Variants in PDE6B observed in about 807,000 individuals in gnomAD.
PDE6B encodes rod cGMP-specific 3',5'-cyclic phosphodiesterase subunit beta.
PDE6B carries 106 observed loss-of-function variants against 109.0 expected under a neutral mutation model. That is an observed-to-expected ratio of 0.97 (90% CI 0.83 to 1.14). The LOEUF (loss-of-function observed/expected upper bound fraction) is 1.14, where lower values mean the gene tolerates loss of function less well. Ranked by LOEUF, PDE6B falls within the 50% of genes most tolerant of loss-of-function variation. The pLI is 0.00. For synonymous variants in PDE6B, 490 were observed against 471.3 expected (o/e 1.04, Z -0.51); for missense variants, 1,193 against 1,155.6 (o/e 1.03, Z -0.47).
intron 2 of PDE6B, among the ~76,000 whole-genome samples, 160 bp from the exon 3 acceptor site, chr4:635,720 A>G (rs1734645763): frequency 6.6e-6 from 1 of 152,200 alleles, no homozygotes; most frequent in South Asian, 2.1e-4. Flanking sequence ...CACCCTGTGC[A>G]CCTGAGCTTG....
chr4:636,254 T>G lies in PDE6B; in HGVS notation c.711+285T>G, dbSNP rs1488692069. On this transcript the variant is annotated intron_variant, in intron 3 of 21. Coordinates refer to ENST00000496514, the MANE Select transcript of PDE6B (RefSeq NM_000283.4). This position sits in a 1 kb window ranked among gnomAD's most constrained non-coding sequence, Gnocchi z 4.5. ...TCCTAGAGGCTGCCCCCAACCTCCT[T>G]GGGAGAAGCCAGTATGAGTGACGAG... 2.6e-5 allele frequency among the ~76,000 whole-genome samples: 4 copies of G among 152,122 alleles called. No individual in the cohort carries two copies. Among genetic ancestry groups the G allele is most frequent in the Admixed American group, 6.5e-5 (1 of 15,284 alleles).
In PDE6B at chr4:625,991, G is replaced by T. The variant is rs1313437038; in HGVS notation, c.365G>T (p.Cys122Phe). The T allele has an allele frequency of 6.3e-7, 1 of 1,583,258 alleles. No homozygotes were observed. The highest frequency in any genetic ancestry group is 8.6e-7 in the Non-Finnish European group (1 of 1,165,146). Residue 122 changes from cysteine to phenylalanine, a missense_variant, in exon 1 of 22, where the codon TGC becomes TTC. By Grantham distance (205) the Cys-to-Phe change is radical. Transcript: ENST00000496514. This position sits in a 1 kb window ranked among gnomAD's most constrained non-coding sequence, Gnocchi z 5.0. ...SVQPDSVLED[C>F]LVPPDSEIVF... Reference sequence around the variant, plus strand: ...CAGCCGGACAGCGTCCTGGAGGACTGCCTGGTGCCCCCCGACTCCGAGATC... The same window carrying T: ...CAGCCGGACAGCGTCCTGGAGGACTTCCTGGTGCCCCCCGACTCCGAGATC...
intron 1 of PDE6B, among the ~76,000 whole-genome samples, chr4:628,291 C>T (rs1734217274): frequency 6.6e-6 from 1 of 152,244 alleles, no homozygotes; most frequent in Non-Finnish European, 1.5e-5. Context: ...GCAGAGCACA[C>T]CTCAGTCTGG....
chr4:628,328 G>A (rs1734219288), intron 1 of PDE6B, among the ~76,000 whole-genome samples: 1 of 152,202 alleles, frequency 6.6e-6, no homozygotes, highest in Non-Finnish European at 1.5e-5. Flanking sequence ...TGGAGGGCGT[G>A]AGCCGCACCG....
At chr4:653,649 A>T in intron 3 of PDE6B, 2 of 656,680 alleles carry the variant, frequency 3.0e-6, no homozygotes, top group Non-Finnish European at 5.4e-6. Flanking sequence ...CCTCACCGCC[A>T]GCCAGCTCCC....
intron 17 of PDE6B, 93 bp downstream of exon 17, chr4:664,314 C>T (rs1034196344): frequency 1.3e-6 from 1 of 778,838 alleles, no homozygotes; most frequent in Non-Finnish European, 2.3e-6. Context: ...TCCCCAGACG[C>T]TCTGGAGCAG....
chr4:658,890 C>A, intron 10 of PDE6B, 62 bp from the exon 11 acceptor site: 2 of 1,221,882 alleles, frequency 1.6e-6, no homozygotes, highest in Non-Finnish European at 2.4e-6. Flanking sequence ...GGTGGACGCA[C>A]CGCCGTCACC....
At chr4:630,873 A>G (rs1734352416) in intron 1 of PDE6B, among the ~76,000 whole-genome samples, 1 of 152,350 alleles carries the variant, frequency 6.6e-6, no homozygotes, top group East Asian at 1.9e-4. Context: ...CCAAGGGTGT[A>G]TCTGGCACAG....
chr4:669,984 G>A, intron 21 of PDE6B, 62 bp from the exon 22 acceptor site: 2 of 1,373,384 alleles, frequency 1.5e-6, no homozygotes, highest in Non-Finnish European at 2.1e-6. Context: ...CAGGCAGGAG[G>A]GAAGGAATAG....
chr4:656,441 A>C, intron 8 of PDE6B, 149 bp downstream of exon 8: 3 of 706,372 alleles, frequency 4.2e-6, no homozygotes, highest in Non-Finnish European at 7.7e-6. Flanking sequence ...GCACTTTGGG[A>C]GGCTGAGGCG....
At chr4:656,138 C>A in intron 7 of PDE6B, 107 bp from the exon 8 acceptor site, 1 of 1,005,450 alleles carries the variant, frequency 9.9e-7, no homozygotes, top group Non-Finnish European at 1.6e-6. Context: ...CCCCAGCTGC[C>A]CTGCTTTACC....
intron 3 of PDE6B, among the ~76,000 whole-genome samples, chr4:640,560 A>C (rs987783788): frequency 6.6e-6 from 1 of 152,104 alleles, no homozygotes; most frequent in Non-Finnish European, 1.5e-5. Flanking sequence ...AATCCAACTT[A>C]GCATTTTTTT....
rs533886335 is a variant in PDE6B, at chr4:656,180, C to A, written c.1060-65C>A. On this transcript the variant is annotated intron_variant, in intron 7 of 21. Transcript: ENST00000496514. ...AAAGCTCACCTCAGGGCCACAGAGG[C>A]CATTTTAGATCATAACAGACCTTCC... 3.9e-5 allele frequency: 47 copies of A among 1,205,568 alleles called. No homozygotes were observed. The East Asian group carries it at 1.1e-3, about 28-fold the overall frequency. The allele number at this position is 1,205,568 out of a possible 1,614,324, so 74.7% of individuals were successfully genotyped here. A position where few individuals can be genotyped will look rare whatever the true frequency, so the allele number is the denominator to read the frequency against.
In PDE6B at chr4:635,926, A is replaced by G. The variant is rs774344792; in HGVS notation, c.668A>G (p.Tyr223Cys). ...LNFATLYLKI[Y>C]HLSYLHNCET... is the part of the protein sequence containing the mutation. Reference sequence around the variant, plus strand: ...TTTGCCACGTTGTACCTGAAGATCTATCACCTGAGCTACCTCCACAACTGC... The same window carrying G: ...TTTGCCACGTTGTACCTGAAGATCTGTCACCTGAGCTACCTCCACAACTGC... Residue 223 changes from tyrosine (Y) to cysteine (C), a missense_variant, in exon 3 of 22, where the codon TAT becomes TGT. Physicochemically the swap from Tyr to Cys is radical, Grantham distance 194 (BLOSUM62 -2). Coordinates refer to ENST00000496514, the MANE Select transcript of PDE6B (RefSeq NM_000283.4). 20 of 1,609,524 alleles carry G rather than the reference A, an allele frequency of 1.2e-5. No homozygotes were observed. The highest frequency in any genetic ancestry group is 2.2e-5 in the East Asian group (1 of 44,848).
chr4:640,006 T>TA (rs1201898038), intron 3 of PDE6B, among the ~76,000 whole-genome samples: 1 of 149,910 alleles, frequency 6.7e-6, no homozygotes, highest in Non-Finnish European at 1.5e-5. Flanking sequence ...TCCAAAAAAA[T>TA]AAAAAAAGTG....
Position 656,014 on chromosome 4 carries a change from C to A in PDE6B, c.1059+8C>A. ...GTGGCAGAAAGCGGCTTTGTGAGTC[C>A]CGTGCTGTCTGGAGTCCCCACAGCC... On this transcript the variant is annotated splice_region_variant and intron_variant, in intron 7 of 21. Coordinates refer to ENST00000496514, the MANE Select transcript of PDE6B (RefSeq NM_000283.4). 2.5e-6 allele frequency: 4 copies of A among 1,571,764 alleles called. No individual in the cohort carries two copies. Among genetic ancestry groups the A allele is most frequent in the African/African-American group, 1.3e-5 (1 of 74,208 alleles).
chr4:630,061 C>T (rs548984694), intron 1 of PDE6B, among the ~76,000 whole-genome samples: 3 of 152,222 alleles, frequency 2.0e-5, no homozygotes, highest in South Asian at 2.1e-4. Context: ...AAGGACCCCC[C>T]GGCCAGGCAT....
chr4:628,554 C>A (rs910954793), intron 1 of PDE6B, among the ~76,000 whole-genome samples: 2 of 152,256 alleles, frequency 1.3e-5, no homozygotes, highest in African/African-American at 4.8e-5. Context: ...TGCTCCTGAG[C>A]ACAGCGGGCC....
At position 635,273 on chromosome 4, in the gene PDE6B, G is replaced by A. The variant is rs1294024520; in HGVS notation, c.621+444G>A. ...CGCCTGCCTGCGTGTTCTGTGCTGC[G>A]CGTCTGCCTCCCTGCCTGCCTCCCT... is the stretch of plus-strand genomic sequence containing the variant. On this transcript the variant is annotated intron_variant, in intron 2 of 21. Coordinates refer to ENST00000496514, the MANE Select transcript of PDE6B (RefSeq NM_000283.4). Among the ~76,000 whole-genome samples, 2 of 135,380 alleles carry A rather than the reference G, an allele frequency of 1.5e-5. 1 individual carries two copies. Among genetic ancestry groups the A allele is most frequent in the Non-Finnish European group, 3.1e-5 (2 of 63,948 alleles). The allele number at this position is 135,380 out of a possible 152,430, so 88.8% of individuals were successfully genotyped here.
Sources: gnomAD v4.1 joint callset for allele counts (sites outside exome capture counted in the v4.1 genomes callset) on GRCh38, gnomAD v4.1.1 for gene constraint, Gnocchi (gnomAD v3.1) non-coding constraint, MANE v1.5 for transcripts, NCBI Gene and HGNC (gene_info 2026-07-23, HGNC 2026-07-21) for gene names.